The following POC1B variants were observed in gnomAD, a reference collection of about 807,000 sequenced individuals.
POC1B encodes POC1 centriolar protein B.
A neutral mutation model predicts 60.6 loss-of-function variants in POC1B; 44 were observed. That is an observed-to-expected ratio of 0.73 (90% CI 0.57 to 0.93). The LOEUF (loss-of-function observed/expected upper bound fraction) is 0.93. Among genes scored for constraint, POC1B ranks in the 40% least tolerant of loss-of-function variants. The pLI is 0.00. For synonymous variants in POC1B, 180 were observed against 198.9 expected, an observed-to-expected ratio of 0.90 and a Z score of 0.80; for missense variants, 555 against 572.3, an observed-to-expected ratio of 0.97 and a Z score of 0.31.
chr12:89,455,958 TAG>T (rs1239538349), intron 10 of POC1B, among the ~76,000 whole-genome samples: 1 of 152,194 alleles, frequency 6.6e-6, no homozygotes, highest in Non-Finnish European at 1.5e-5. Context: ...GTAATAACCC[TAG>T]AGTCTTTTAA....
Position 89,500,141 on chromosome 12 carries a change from T to C in POC1B, c.101-2799A>G, listed in dbSNP as rs559294261. 82 of 1,555,928 alleles carry C rather than the reference T, an allele frequency of 5.3e-5. 1 individual carries two copies. In the African/African-American group the frequency reaches 7.7e-4, roughly 15 times the overall value. ...TCTCAAAAATGGCTACAGAAGAAGA[T>C]TTTGTCAACCTTCCAGGGCACGTGA... On this transcript the variant is annotated intron_variant, in intron 2 of 11. Transcript: ENST00000313546.
At chr12:89,482,954 C>T (rs1168550254) in intron 4 of POC1B, among the ~76,000 whole-genome samples, 7 of 144,238 alleles carry the variant, frequency 4.9e-5, no homozygotes, top group Non-Finnish European at 9.0e-5. Context: ...GATGGAGTTT[C>T]GCTCTTGTTG....
intron 2 of POC1B, chr12:89,501,377 T>G: frequency 9.6e-7 from 1 of 1,037,208 alleles, no homozygotes; most frequent in Admixed American, 1.9e-5. Flanking sequence ...AGAAGAAAAT[T>G]TATGGCTAAA....
At chr12:89,524,517 G>C in intron 2 of POC1B, 2 of 1,611,892 alleles carry the variant, frequency 1.2e-6, no homozygotes, top group Non-Finnish European at 1.7e-6. Flanking sequence ...GCAGCAGGCA[G>C]CTCTTGCCTG....
chr12:89,511,754 T>C (rs867735359), intron 2 of POC1B, among the ~76,000 whole-genome samples: 1 of 152,210 alleles, frequency 6.6e-6, no homozygotes. Context: ...TCCCCAGACA[T>C]ACATCCATAA....
rs867057656 is a variant in POC1B, at chr12:89,472,241, T to C, written c.487A>G (p.Ser163Gly). 12 of 1,606,818 alleles carry C rather than the reference T, an allele frequency of 7.5e-6. No individual in the cohort carries two copies. The Middle Eastern group carries it at 4.9e-4, about 66-fold the overall frequency. The change falls in exon 5 of 12, where the codon AGT becomes GGT. Residue 163 changes from serine to glycine, a missense_variant. Transcript: ENST00000313546. Reference protein sequence around the residue: ...SPDGRLIVSCSEDKTIKIWDT... With the variant: ...SPDGRLIVSCGEDKTIKIWDT... ...CAAATTTTAATAGTTTTATCCTCAC[T>C]ACATGACACAATTAGTCTTCCATCG...
intron 2 of POC1B, among the ~76,000 whole-genome samples, chr12:89,508,948 G>A (rs1870038893): frequency 6.6e-6 from 1 of 152,160 alleles, no homozygotes; most frequent in Admixed American, 6.5e-5. Context: ...AAATTACCCA[G>A]TCTTAGGCGG....
Position 89,497,215 on chromosome 12 carries a change from C to G in POC1B, c.228G>C (p.Ala76=). 1 of 1,613,932 alleles carries G rather than the reference C, an allele frequency of 6.2e-7. No individual in the cohort carries two copies. Among genetic ancestry groups the G allele is most frequent in the Non-Finnish European group, 8.5e-7 (1 of 1,180,016 alleles). ...TCACGGTTCTGTCTCGTGAGGCAGA[C>G]GCCAATAAGTTTCCATGTGGAGAAA... ...VQFSPHGNLL[A]SASRDRTVRL... Residue 76 remains alanine, a synonymous_variant, in exon 3 of 12, where the codon GCG becomes GCC. Transcript: ENST00000313546.
chr12:89,470,724 T>G (rs755560536), intron 6 of POC1B, among the ~76,000 whole-genome samples: 3 of 152,238 alleles, frequency 2.0e-5, no homozygotes, highest in Non-Finnish European at 4.4e-5. Flanking sequence ...GTAATCTTAT[T>G]GACCACATTA....
chr12:89,469,397 T>A (rs1342577854), intron 7 of POC1B, among the ~76,000 whole-genome samples: 1 of 152,122 alleles, frequency 6.6e-6, no homozygotes, highest in Non-Finnish European at 1.5e-5. Flanking sequence ...ATACAGCACA[T>A]AAGAATCGAA....
In POC1B at chr12:89,501,836, T is replaced by C. The variant is rs116460857; in HGVS notation, c.101-4494A>G. 1,305 of 1,207,722 alleles carry C rather than the reference T, an allele frequency of 1.1e-3. 15 individuals carry two copies. In the African/African-American group the frequency reaches 0.016, roughly 15 times the overall value. 74.8% of individuals were successfully genotyped at this position (1,207,722 alleles called of 1,614,324 possible). On this transcript the variant is annotated intron_variant, in intron 2 of 11. Transcript: ENST00000313546. Reference sequence around the variant, plus strand: ...AATATTGGGAAAAAAACTATTCCACTTAAAAGGCAGAAGACAGCAACTAAA... The same window carrying C: ...AATATTGGGAAAAAAACTATTCCACCTAAAAGGCAGAAGACAGCAACTAAA...
chr12:89,451,030 G>T (rs1882022259), intron 10 of POC1B, among the ~76,000 whole-genome samples: 1 of 152,166 alleles, frequency 6.6e-6, no homozygotes, highest in Non-Finnish European at 1.5e-5. Context: ...ACAAAGGCAA[G>T]AGATTGGATT....
chr12:89,440,364 C>T (rs566647092), intron 10 of POC1B, among the ~76,000 whole-genome samples: 2 of 152,168 alleles, frequency 1.3e-5, no homozygotes, highest in African/African-American at 4.8e-5. Context: ...TACCACTGCA[C>T]CAAATTCTCT....
intron 4 of POC1B, among the ~76,000 whole-genome samples, chr12:89,487,604 G>A (rs979107155): frequency 1.4e-4 from 21 of 152,168 alleles, no homozygotes; most frequent in African/African-American, 5.1e-4. Flanking sequence ...ATGCTATGGT[G>A]CAGGCAGGCA....
At chr12:89,512,262 T>C (rs1372452257) in intron 2 of POC1B, among the ~76,000 whole-genome samples, 2 of 152,264 alleles carry the variant, frequency 1.3e-5, no homozygotes, top group Admixed American at 6.5e-5. Context: ...ATTTGCTTTC[T>C]AGCTGATACT....
At chr12:89,454,240 G>A (rs1252743907) in intron 10 of POC1B, among the ~76,000 whole-genome samples, 1 of 152,174 alleles carries the variant, frequency 6.6e-6, no homozygotes, top group South Asian at 2.1e-4. Context: ...TGTCCCTGGG[G>A]AAGGGAGATA....
chr12:89,410,334 C>G, the POC1B span, among the ~76,000 whole-genome samples: 1 of 152,288 alleles, frequency 6.6e-6, no homozygotes, highest in South Asian at 2.1e-4. Context: ...TTATGACAAA[C>G]CCACAGCCAA....
rs1284550879 is a variant in POC1B, at chr12:89,421,112, T to C, written c.*41A>G. ...CCTGAGTGTATGTACATTTGTTCAT[T>C]TATTGGGCCTCTGCCCAACAAATGA... On this transcript the variant is annotated 3_prime_UTR_variant, in exon 12 of 12. Transcript: ENST00000313546. 1 of 1,474,600 alleles carries C rather than the reference T, an allele frequency of 6.8e-7. No individual in the cohort carries two copies. The highest frequency in any genetic ancestry group is 9.3e-7 in the Non-Finnish European group (1 of 1,074,328). 91.3% of individuals were successfully genotyped at this position (1,474,600 alleles called of 1,614,324 possible). A position where few individuals can be genotyped will look rare whatever the true frequency, so the allele number is the denominator to read the frequency against.
chr12:89,415,663 A>G (rs1167868993), downstream of POC1B, among the ~76,000 whole-genome samples: 2 of 151,022 alleles, frequency 1.3e-5, no homozygotes, highest in Non-Finnish European at 2.9e-5. Flanking sequence ...AAAATAATAA[A>G]GAAAATAATA....
Sources: gnomAD v4.1 joint callset for allele counts (sites outside exome capture counted in the v4.1 genomes callset) on GRCh38, gnomAD v4.1.1 for gene constraint, MANE v1.5 for transcripts, NCBI Gene and HGNC (gene_info 2026-07-23, HGNC 2026-07-21) for gene names.